The following LZTS2 variants were observed in gnomAD, a reference collection of about 807,000 sequenced individuals.
The protein encoded by LZTS2 is leucine zipper putative tumor suppressor 2.
A neutral mutation model predicts 60.6 loss-of-function variants in LZTS2; 32 were observed. That is an observed-to-expected ratio of 0.53 (90% CI 0.40 to 0.71). The LOEUF is 0.71. Ranked by LOEUF, LZTS2 falls within the 30% of genes least tolerant of loss-of-function variation. The pLI, the probability that LZTS2 is intolerant of heterozygous loss-of-function variation, is 0.00. For synonymous variants in LZTS2, 360 were observed against 393.1 expected (o/e 0.92, Z 1.00); for missense variants, 792 against 901.9 (o/e 0.88, Z 1.56).
chr10:101,001,392 C>G (rs747801883), exon 1 of LZTS2: 1 of 152,274 alleles, frequency 6.6e-6, no homozygotes, highest in Non-Finnish European at 1.5e-5. Flanking sequence ...ATGATGTTTT[C>G]ACACACATTT....
At chr10:101,003,622 G>C in exon 2 of LZTS2, 1 of 1,603,560 alleles carries the variant, frequency 6.2e-7, no homozygotes, top group South Asian at 1.1e-5. Context: ...CTGTCTGGGA[G>C]CCAGGGCAGC....
At chr10:101,005,790 C>A in intron 3 of LZTS2, 75 bp downstream of exon 4, 1 of 1,428,192 alleles carries the variant, frequency 7.0e-7, no homozygotes, top group East Asian at 2.5e-5. Context: ...CAGCCCCACC[C>A]TCCCTCAGCC....
At chr10:100,999,999 A>C (rs11594686) in exon 1 of LZTS2, 58,027 of 152,864 alleles carry the variant, frequency 0.38, 11,755 homozygotes, top group East Asian at 0.57. Context: ...CCCCCAACTT[A>C]TGCGCGGTGG....
chr10:101,005,755 G>T, intron 3 of LZTS2, 40 bp downstream of exon 4: 7 of 1,251,686 alleles, frequency 5.6e-6, no homozygotes, highest in Non-Finnish European at 7.6e-6. Context: ...GGGTCACACA[G>T]GGAGAAACCC....
At chr10:101,002,198 T>C in exon 1 of LZTS2, 1 of 218,034 alleles carries the variant, frequency 4.6e-6, no homozygotes, top group Non-Finnish European at 9.0e-6. Context: ...CTGTGGAGGA[T>C]GCAGGATTGG....
In LZTS2 at chr10:101,005,784, C is replaced by T. The variant is rs901318261; in HGVS notation, c.1326+69C>T. ...GAAACCCTGGAAAAAGGGGCCCAGC[C>T]CCACCCTCCCTCAGCCTGCCACCCC... On this transcript the variant is annotated intron_variant, in intron 3 of 3. Coordinates refer to ENST00000370220, the Ensembl canonical transcript of LZTS2. The T allele has an allele frequency of 2.1e-6, 3 of 1,438,942 alleles. No homozygotes were observed. The African/African-American group carries it at 4.3e-5, about 21-fold the overall frequency. 89.1% of individuals were successfully genotyped at this position (1,438,942 alleles called of 1,614,324 possible).
chr10:101,003,494 C>A lies in LZTS2; in HGVS notation c.409-13C>A, dbSNP rs1423739699. The A allele has an allele frequency of 1.1e-5, 17 of 1,513,614 alleles. No individual in the cohort carries two copies. Among genetic ancestry groups the A allele is most frequent in the Non-Finnish European group, 1.5e-5 (17 of 1,131,218 alleles). The allele number at this position is 1,513,614 out of a possible 1,614,324, so 93.8% of individuals were successfully genotyped here. A position where few individuals can be genotyped will look rare whatever the true frequency, so the allele number is the denominator to read the frequency against. On this transcript the variant is annotated splice_polypyrimidine_tract_variant and intron_variant, in intron 1 of 3. Transcript: ENST00000370220. The stretch of plus-strand genomic sequence containing the variant: ...GCAGCTCATCTCCAGTGTCACATGG[C>A]ACCTCATTTCAGAACATGGAGAAGA...
chr10:101,004,116 C>G, exon 2 of LZTS2: 1 of 1,612,752 alleles, frequency 6.2e-7, no homozygotes, highest in African/African-American at 1.3e-5. Flanking sequence ...GGAGGCAGAG[C>G]TTCAGCAGCT....
exon 1 of LZTS2, chr10:100,999,550 G>A (rs1440114576): frequency 6.6e-6 from 1 of 152,346 alleles, no homozygotes; most frequent in Admixed American, 6.5e-5. Context: ...CCCCGGCTGG[G>A]GTTGAGGGTG....
exon 4 of LZTS2, chr10:101,007,211 C>T (rs1564819904): frequency 6.7e-7 from 1 of 1,495,102 alleles, no homozygotes. Flanking sequence ...GCCAGAGGGG[C>T]AGCAGCTGCA....
At chr10:101,006,498 C>T in exon 4 of LZTS2, 1 of 1,609,256 alleles carries the variant, frequency 6.2e-7, no homozygotes, top group Admixed American at 1.7e-5. Flanking sequence ...TGCCAGAAAT[C>T]AGGCGAGATC....
At chr10:101,007,039 C>T in exon 4 of LZTS2, 1 of 1,594,156 alleles carries the variant, frequency 6.3e-7, no homozygotes, top group Non-Finnish European at 8.5e-7. Flanking sequence ...TGTACCGGCG[C>T]AACCGGCAGC....
exon 1 of LZTS2, chr10:101,000,655 G>C (rs1401768889): frequency 6.6e-6 from 1 of 152,484 alleles, no homozygotes; most frequent in Non-Finnish European, 1.5e-5. Context: ...GCTCGCTGAA[G>C]TGGGGAAATG....
intron 2 of LZTS2, 69 bp downstream of exon 3, chr10:101,004,235 A>C: frequency 6.6e-7 from 1 of 1,506,140 alleles, no homozygotes; most frequent in Non-Finnish European, 8.9e-7. Flanking sequence ...TGCAAGCGGC[A>C]TTTCCATTTT....
chr10:101,007,552 A>G (rs753613534), exon 4 of LZTS2: 3 of 1,313,050 alleles, frequency 2.3e-6, no homozygotes, highest in African/African-American at 1.5e-5. Flanking sequence ...AGAAAGCCAG[A>G]TGGCACCAGC....
exon 1 of LZTS2, chr10:101,002,468 G>A: frequency 6.9e-7 from 1 of 1,443,508 alleles, no homozygotes; most frequent in Non-Finnish European, 9.2e-7. Context: ...CAAGGTGGAG[G>A]GACTCTGACA....
At chr10:101,006,381 A>G in intron 3 of LZTS2, 104 bp from the exon 5 acceptor site, 1 of 1,454,032 alleles carries the variant, frequency 6.9e-7, no homozygotes, top group Non-Finnish European at 9.1e-7. Flanking sequence ...TAAAATGGGG[A>G]TAAAGATGGA....
At chr10:101,004,994 G>A (rs1403514371) in intron 2 of LZTS2, among the ~76,000 whole-genome samples, 4 of 152,042 alleles carry the variant, frequency 2.6e-5, no homozygotes, top group East Asian at 1.9e-4. Flanking sequence ...CACTGCACCC[G>A]GCCAAGTGCT....
chr10:101,002,707 C>T (rs769434446), exon 1 of LZTS2: 26 of 1,611,110 alleles, frequency 1.6e-5, no homozygotes, highest in East Asian at 4.5e-5. Flanking sequence ...CACCTTCTTC[C>T]GCCAGCAGGA....
Sources: gnomAD v4.1 joint callset for allele counts (sites outside exome capture counted in the v4.1 genomes callset) on GRCh38, gnomAD v4.1.1 for gene constraint, MANE v1.5 for transcripts, NCBI Gene and HGNC (gene_info 2026-07-23, HGNC 2026-07-21) for gene names.